The following DYRK1A variants were observed in gnomAD, a reference collection of about 807,000 sequenced individuals.
DYRK1A encodes dual specificity tyrosine-phosphorylation-regulated kinase 1A.
In DYRK1A, 9 loss-of-function variants were observed where a neutral mutation model predicts 79.7. The ratio of observed to expected loss-of-function variants is 0.11; its 90% CI spans 0.07 to 0.20. DYRK1A has a LOEUF of 0.20. Ranked by LOEUF, DYRK1A falls within the 10% of genes least tolerant of loss-of-function variation. The pLI is 1.00. For missense variants in DYRK1A, 622 were observed against 956.0 expected (o/e 0.65, Z 4.61); for synonymous variants, 349 against 329.7 (o/e 1.06, Z -0.63).
Position 37,518,029 on chromosome 21 carries a change from A to G in DYRK1A, c.*5498A>G, listed in dbSNP as rs2053898449. On this transcript the variant is annotated 3_prime_UTR_variant, in exon 12 of 12. Transcript: ENST00000647188. ...CATCTCAGCCTCCCAAGTAGCTGGGACTACCTGTGCACACCACCATGCCTG... is the reference window on the plus strand; with the variant it reads ...CATCTCAGCCTCCCAAGTAGCTGGGGCTACCTGTGCACACCACCATGCCTG... 6.6e-6 allele frequency: 1 copy of G among 152,222 alleles called. No individual in the cohort carries two copies. The highest frequency in any genetic ancestry group is 1.5e-5 in the Non-Finnish European group (1 of 68,084). 9.4% of individuals were successfully genotyped at this position (152,222 alleles called of 1,614,324 possible).
chr21:37,390,503 C>A (rs1445901388), intron 1 of DYRK1A, among the ~76,000 whole-genome samples: 1 of 152,116 alleles, frequency 6.6e-6, no homozygotes, highest in East Asian at 1.9e-4. Flanking sequence ...TTGGCAGTTG[C>A]CCCCATAGTG....
intron 2 of DYRK1A, among the ~76,000 whole-genome samples, chr21:37,464,456 G>A (rs376692699): frequency 2.6e-5 from 4 of 152,134 alleles, no homozygotes; most frequent in South Asian, 2.1e-4. Flanking sequence ...TCAGAAGCAC[G>A]TAAAGACAGA....
At chr21:37,366,423 G>A (rs2049305619), upstream of DYRK1A, among the ~76,000 whole-genome samples, 1 of 146,594 alleles carries the variant, frequency 6.8e-6, no homozygotes, top group South Asian at 2.1e-4. Flanking sequence ...GCGGGGCGGG[G>A]CGGCCGGGAG....
Position 37,523,946 on chromosome 21 carries a change from G to A in DYRK1A, c.*11415G>A, listed in dbSNP as rs2053952059. 1 of 152,224 alleles carries A rather than the reference G, an allele frequency of 6.6e-6. No homozygotes were observed. Among genetic ancestry groups the A allele is most frequent in the Non-Finnish European group, 1.5e-5 (1 of 68,040 alleles). The allele number at this position is 152,224 out of a possible 1,614,324, so 9.4% of individuals were successfully genotyped here. A position where few individuals can be genotyped will look rare whatever the true frequency, so the allele number is the denominator to read the frequency against. ...GCCGCTCTGTGCAATGTAAATTGCAGTGACACAGTTATAACTCAGCAGCAT... is the reference window on the plus strand; with the variant it reads ...GCCGCTCTGTGCAATGTAAATTGCAATGACACAGTTATAACTCAGCAGCAT... On this transcript the variant is annotated 3_prime_UTR_variant, in exon 12 of 12. Transcript: ENST00000647188.
intron 1 of DYRK1A, among the ~76,000 whole-genome samples, chr21:37,388,711 C>T (rs1337090664): frequency 6.8e-6 from 1 of 148,088 alleles, no homozygotes; most frequent in Non-Finnish European, 1.5e-5. Flanking sequence ...GTGGGGTGAT[C>T]TCGGCTCACT....
At chr21:37,464,765 TG>T (rs2051967741) in intron 2 of DYRK1A, among the ~76,000 whole-genome samples, 1 of 152,198 alleles carries the variant, frequency 6.6e-6, no homozygotes, top group South Asian at 2.1e-4. Context: ...CAGTTTCATA[TG>T]GTTCCGCATA....
intron 1 of DYRK1A, among the ~76,000 whole-genome samples, chr21:37,416,397 G>A (rs1171765347): frequency 7.3e-6 from 1 of 137,366 alleles, no homozygotes; most frequent in Admixed American, 7.8e-5. Context: ...GGGTTTTTAG[G>A]ATTTCACTTG....
In DYRK1A at chr21:37,472,677, C is replaced by T. The variant is rs1160132254; in HGVS notation, c.11-7C>T. ...ATTTCCTTTAAACCTCACTTATCTT[C>T]TTGTAGGAGGAGAGACTTCAGCATG... On this transcript the variant is annotated splice_region_variant and splice_polypyrimidine_tract_variant and intron_variant, in intron 2 of 11. Transcript: ENST00000647188. 3 of 1,573,098 alleles carry T rather than the reference C, an allele frequency of 1.9e-6. No individual in the cohort carries two copies. The highest frequency in any genetic ancestry group is 1.4e-5 in the African/African-American group (1 of 73,888).
At position 37,390,849 on chromosome 21, in the gene DYRK1A, C is replaced by T. The variant is rs1018635654; in HGVS notation, c.-77+23221C>T. On this transcript the variant is annotated intron_variant, in intron 1 of 11. Transcript: ENST00000647188. ...CCTCCCAAAGTGCTGGGATTACAGG[C>T]GTGAGCCACCACGCCCGGCCTGTTA... 3.3e-5 allele frequency among the ~76,000 whole-genome samples: 5 copies of T among 152,306 alleles called. No individual in the cohort carries two copies. The South Asian group carries it at 1.0e-3, about 32-fold the overall frequency.
At chr21:37,365,764 G>C (rs997011175), upstream of DYRK1A, 5 of 152,400 alleles carry the variant, frequency 3.3e-5, no homozygotes, top group Admixed American at 3.3e-4. Flanking sequence ...GGACGACAAG[G>C]ACACAGTAAC....
intron 1 of DYRK1A, among the ~76,000 whole-genome samples, chr21:37,413,118 T>A (rs1172649241): frequency 6.6e-6 from 1 of 152,176 alleles, no homozygotes; most frequent in African/African-American, 2.4e-5. Context: ...GGGGGTAGCA[T>A]TTCTCTGTAA....
intron 1 of DYRK1A, among the ~76,000 whole-genome samples, chr21:37,372,488 T>C (rs899344738): frequency 6.6e-6 from 1 of 151,236 alleles, no homozygotes; most frequent in African/African-American, 2.4e-5. Flanking sequence ...CATCTGTCTG[T>C]CTGCTTGCTA....
chr21:37,413,446 C>G (rs924779927), intron 1 of DYRK1A, among the ~76,000 whole-genome samples: 2 of 152,026 alleles, frequency 1.3e-5, no homozygotes, highest in Non-Finnish European at 2.9e-5. Flanking sequence ...TATTATAGAA[C>G]ATCCTGTGTG....
intron 2 of DYRK1A, among the ~76,000 whole-genome samples, chr21:37,438,837 A>G (rs2051002987): frequency 6.6e-6 from 1 of 152,206 alleles, no homozygotes; most frequent in African/African-American, 2.4e-5. Context: ...TTTTCAAATC[A>G]GTTCGCTAAT....
At chr21:37,373,706 C>A (rs1054976161) in intron 1 of DYRK1A, among the ~76,000 whole-genome samples, 3 of 152,192 alleles carry the variant, frequency 2.0e-5, no homozygotes, top group African/African-American at 4.8e-5. Context: ...AAGTTGCATA[C>A]ATGATTTTTC....
intron 8 of DYRK1A, among the ~76,000 whole-genome samples, chr21:37,493,878 G>A (rs1008698413): frequency 6.6e-6 from 1 of 151,330 alleles, no homozygotes; most frequent in Non-Finnish European, 1.5e-5. Flanking sequence ...GGATTACACA[G>A]CTGTTAATAG....
intron 2 of DYRK1A, among the ~76,000 whole-genome samples, chr21:37,432,599 C>T (rs1265335477): frequency 6.6e-6 from 1 of 151,964 alleles, no homozygotes; most frequent in Non-Finnish European, 1.5e-5. Flanking sequence ...AACTATAAAG[C>T]TGTGTTCTAT....
chr21:37,459,662 T>C (rs1009103929), intron 2 of DYRK1A, among the ~76,000 whole-genome samples: 7 of 152,192 alleles, frequency 4.6e-5, no homozygotes, highest in Admixed American at 4.6e-4. Context: ...AAATTCTGAT[T>C]TCTATGTAAC....
intron 1 of DYRK1A, among the ~76,000 whole-genome samples, chr21:37,379,293 G>C (rs2049610184): frequency 6.6e-6 from 1 of 152,016 alleles, no homozygotes; most frequent in Non-Finnish European, 1.5e-5. Context: ...AATACGAAGA[G>C]GTGAAAAGTG....
Sources: allele counts gnomAD v4.1 joint callset (sites outside exome capture counted in the v4.1 genomes callset), GRCh38; gene constraint gnomAD v4.1.1; transcripts MANE v1.5; gene names NCBI Gene and HGNC (gene_info 2026-07-23, HGNC 2026-07-21).